EHD4: variants seen among roughly 807,000 people sequenced by gnomAD.
The protein encoded by EHD4 is EH domain containing 4, also known as EH domain-containing protein 4.
In EHD4, 37 loss-of-function variants were observed where a neutral mutation model predicts 51.0. That is an observed-to-expected ratio of 0.73 (90% CI 0.56 to 0.95). The LOEUF (loss-of-function observed/expected upper bound fraction) is 0.95, where lower values mean the gene tolerates loss of function less well. Among genes scored for constraint, EHD4 ranks in the 40% least tolerant of loss-of-function variants. EHD4 has a pLI of 0.00. For synonymous variants in EHD4, 297 were observed against 317.3 expected (o/e 0.94, Z 0.68); for missense variants, 632 against 733.1 (o/e 0.86, Z 1.59).
intron 3 of EHD4, among the ~76,000 whole-genome samples, chr15:41,933,224 G>A (rs2067710441): frequency 6.6e-6 from 1 of 152,144 alleles, no homozygotes; most frequent in Non-Finnish European, 1.5e-5. Context: ...CCAACCACAG[G>A]CTTGTTTGGA....
In EHD4 at chr15:41,900,967, T is replaced by C. The variant is rs1269743865; in HGVS notation, c.1304A>G (p.Glu435Gly). The C allele has an allele frequency of 1.2e-6, 2 of 1,611,408 alleles. No homozygotes were observed. Among genetic ancestry groups the C allele is most frequent in the African/African-American group, 2.7e-5 (2 of 74,840 alleles). Residue 435 changes from glutamate (E) to glycine (G), a missense_variant, in exon 6 of 6, where the codon GAG becomes GGG. Physicochemically the swap from Glu to Gly is moderately conservative, Grantham distance 98. Transcript: ENST00000220325. This position sits in a 1 kb window ranked among gnomAD's most constrained non-coding sequence, Gnocchi z 4.8. ...GACCCACTCCTCCTCGTCGGCGCCC[T>C]CCTTGGCACCCTCCCCGTAGCCCTG... is the stretch of plus-strand genomic sequence containing the variant. ...FNQGYGEGAK[E>G]GADEEEWVVA...
chr15:41,909,622 G>A, intron 5 of EHD4, 77 bp downstream of exon 5: 1 of 1,542,820 alleles, frequency 6.5e-7, no homozygotes, highest in Non-Finnish European at 8.9e-7. Context: ...ACTCTCATTT[G>A]TCTCCAGCAA....
rs556011780 is a variant in EHD4 at position 41,968,195 on chromosome 15, C to T, written c.236+4064G>A. 3.3e-5 allele frequency among the ~76,000 whole-genome samples: 5 copies of T among 152,246 alleles called. No homozygotes were observed. The South Asian group carries it at 1.0e-3, about 32-fold the overall frequency. ...ACTCCAGCTTCTTGATCCTTCATAC[C>T]GCCCATAAACCTTGTCTGCACCCTT... On this transcript the variant is annotated intron_variant, in intron 1 of 5. Transcript: ENST00000220325.
In EHD4 at chr15:41,897,067, T is replaced by C. The variant is rs1275859752; in HGVS notation, c.*3578A>G. The C allele has an allele frequency of 2.6e-5, 4 of 152,172 alleles. No individual in the cohort carries two copies. The highest frequency in any genetic ancestry group is 4.4e-5 in the Non-Finnish European group (3 of 68,034). 9.4% of individuals were successfully genotyped at this position (152,172 alleles called of 1,614,324 possible). A position where few individuals can be genotyped will look rare whatever the true frequency, so the allele number is the denominator to read the frequency against. Reference sequence around the variant, plus strand: ...CAGACTATGTCTTTTTGTTTGAAACTTCTAAATAAGATTACAAAAAGAAAA... The same window carrying C: ...CAGACTATGTCTTTTTGTTTGAAACCTCTAAATAAGATTACAAAAAGAAAA... On this transcript the variant is annotated 3_prime_UTR_variant, in exon 6 of 6. Coordinates refer to ENST00000220325, the MANE Select transcript of EHD4 (RefSeq NM_139265.4).
intron 1 of EHD4, among the ~76,000 whole-genome samples, chr15:41,964,144 CAAAAAAAAAAAAAAA>C (rs755699829): frequency 2.3e-4 from 6 of 26,536 alleles, no homozygotes; most frequent in Non-Finnish European, 4.1e-4. Flanking sequence ...GACTCCATCT[CAAAAAAAAAAAAAAA>C]AAAAAAAAAA....
At chr15:41,946,691 A>C (rs949003299) in intron 2 of EHD4, among the ~76,000 whole-genome samples, 1 of 152,224 alleles carries the variant, frequency 6.6e-6, no homozygotes. Flanking sequence ...GTGCCAGTGC[A>C]CTACAGCCTG....
intron 3 of EHD4, among the ~76,000 whole-genome samples, chr15:41,931,338 C>T (rs191538458): frequency 8.5e-4 from 130 of 152,060 alleles, no homozygotes; most frequent in Non-Finnish European, 1.4e-3. Context: ...AAGGTGAAAC[C>T]CCATCTCTAC....
chr15:41,948,111 G>A (rs145528248), intron 2 of EHD4, among the ~76,000 whole-genome samples: 36 of 152,208 alleles, frequency 2.4e-4, no homozygotes, highest in Middle Eastern at 3.4e-3. Context: ...AAAATTAGCC[G>A]GGTGTGGTGG....
chr15:41,912,980 G>T (rs1239281432), intron 4 of EHD4, among the ~76,000 whole-genome samples: 1 of 152,202 alleles, frequency 6.6e-6, no homozygotes. Context: ...AATTCAAAAT[G>T]AACTGTGTCC....
chr15:41,933,427 C>T (rs893673723), intron 3 of EHD4, among the ~76,000 whole-genome samples: 8 of 152,134 alleles, frequency 5.3e-5, no homozygotes, highest in Admixed American at 2.0e-4. Flanking sequence ...TCCCACTGTA[C>T]GAGAGAAAGT....
chr15:41,918,512 T>C (rs1358348840), intron 4 of EHD4, among the ~76,000 whole-genome samples: 5 of 152,264 alleles, frequency 3.3e-5, no homozygotes, highest in Non-Finnish European at 5.9e-5. Context: ...TTTGGAGACA[T>C]GAATTGACTC....
At chr15:41,949,130 G>GAGGCCGAGGC (rs2067836731) in intron 2 of EHD4, among the ~76,000 whole-genome samples, 1 of 150,210 alleles carries the variant, frequency 6.7e-6, no homozygotes, top group Non-Finnish European at 1.5e-5. Flanking sequence ...AGCACTTTGG[G>GAGGCCGAGGC]AGGCCGAGGC....
intron 3 of EHD4, among the ~76,000 whole-genome samples, chr15:41,937,640 G>C (rs17687755): frequency 0.37 from 56,286 of 152,096 alleles, 10,732 homozygotes; most frequent in African/African-American, 0.48. Context: ...CAAAGCCTGA[G>C]AGGGGAAGTC....
intron 1 of EHD4, among the ~76,000 whole-genome samples, chr15:41,958,796 T>A (rs985309668): frequency 6.6e-6 from 1 of 152,180 alleles, no homozygotes; most frequent in African/African-American, 2.4e-5. Flanking sequence ...AATAGTCTCA[T>A]TTCATCCTAA....
At position 41,909,783 on chromosome 15, in the gene EHD4, G is replaced by A; in HGVS notation, c.1005C>T (p.Ile335=). ...GAATGTAGATTTCCGGTAGCCTGCTGATAAGCTCTCTCTTCTTGTTTTCCT... is the reference window on the plus strand; with the variant it reads ...GAATGTAGATTTCCGGTAGCCTGCTAATAAGCTCTCTCTTCTTGTTTTCCT... The part of the protein sequence containing the change: ...FGKENKKREL[I]SRLPEIYIQL... Residue 335 remains isoleucine (I), a synonymous_variant, in exon 5 of 6, where the codon ATC becomes ATT. Transcript: ENST00000220325. The A allele has an allele frequency of 4.3e-6, 7 of 1,614,236 alleles. No homozygotes were observed. The highest frequency in any genetic ancestry group is 5.9e-6 in the Non-Finnish European group (7 of 1,180,054).
chr15:41,937,285 C>A (rs539488761), intron 3 of EHD4, among the ~76,000 whole-genome samples: 1 of 152,266 alleles, frequency 6.6e-6, no homozygotes, highest in South Asian at 2.1e-4. Flanking sequence ...GCCCTGAGCT[C>A]ACATATCTCT....
intron 3 of EHD4, among the ~76,000 whole-genome samples, chr15:41,941,089 T>A (rs1174634482): frequency 6.6e-6 from 1 of 152,124 alleles, no homozygotes; most frequent in African/African-American, 2.4e-5. Context: ...TTTCTGGGGC[T>A]AAATTAATGG....
At chr15:41,909,677 C>T (rs1305348719) in intron 5 of EHD4, 22 bp downstream of exon 5, 1 of 1,613,610 alleles carries the variant, frequency 6.2e-7, no homozygotes, top group South Asian at 1.1e-5. Flanking sequence ...CTGCCCGTGA[C>T]ATTGTAGTGG....
At chr15:41,955,847 CTCTGGGA>C (rs1477509537) in intron 1 of EHD4, among the ~76,000 whole-genome samples, 1 of 152,158 alleles carries the variant, frequency 6.6e-6, no homozygotes, top group Non-Finnish European at 1.5e-5. Context: ...TTTACAGCCC[CTCTGGGA>C]TCTCAAGGGT....
Sources: gnomAD v4.1 joint callset for allele counts (sites outside exome capture counted in the v4.1 genomes callset) on GRCh38, gnomAD v4.1.1 for gene constraint, Gnocchi (gnomAD v3.1) non-coding constraint, MANE v1.5 for transcripts, NCBI Gene and HGNC (gene_info 2026-07-23, HGNC 2026-07-21) for gene names.